The following DYNC2H1 variants were observed in gnomAD, a reference collection of about 807,000 sequenced individuals.
DYNC2H1 encodes cytoplasmic dynein 2 heavy chain 1.
DYNC2H1 carries 410 observed loss-of-function variants against 570.0 expected under a neutral mutation model. That is an observed-to-expected ratio of 0.72 (90% CI 0.66 to 0.78). The LOEUF is 0.78. Ranked by LOEUF, DYNC2H1 falls within the 30% of genes least tolerant of loss-of-function variation. DYNC2H1 has a pLI of 0.00. For synonymous variants in DYNC2H1, 1,688 were observed against 1,677.6 expected, an observed-to-expected ratio of 1.01 and a Z score of -0.15; for missense variants, 4,865 against 5,046.4, an observed-to-expected ratio of 0.96 and a Z score of 1.09.
chr11:103,156,911 T>C, intron 26 of DYNC2H1, 141 bp downstream of exon 26: 10 of 1,071,356 alleles, frequency 9.3e-6, no homozygotes, highest in Non-Finnish European at 1.3e-5. Flanking sequence ...GTGGATCCTT[T>C]TGAGAAGCTA....
intron 82 of DYNC2H1, among the ~76,000 whole-genome samples, chr11:103,349,761 A>G (rs1382257844): frequency 6.6e-6 from 1 of 152,098 alleles, no homozygotes. Flanking sequence ...TTTTAATGTC[A>G]TATTACCTTG....
chr11:103,446,893 G>A lies in DYNC2H1; in HGVS notation c.12457-8293G>A, dbSNP rs921850530. Among the ~76,000 whole-genome samples the A allele has an allele frequency of 1.3e-5, 2 of 152,018 alleles. No individual in the cohort carries two copies. The highest frequency in any genetic ancestry group is 6.6e-5 in the Admixed American group (1 of 15,266). ...ATAAATTATTATTAATAATTAAGAG[G>A]AGACCTATAAGTAGGTGGACATTAT... On this transcript the variant is annotated intron_variant, in intron 85 of 88. Transcript: ENST00000375735. The surrounding 1 kb of genome is among the most constrained non-coding windows in gnomAD (Gnocchi z 4.5).
At position 103,181,760 on chromosome 11, in the gene DYNC2H1, T is replaced by C. The variant is rs1379890053; in HGVS notation, c.6351T>C (p.Asp2117=). ...ISRMGMIFLS[D]EETDLNSLIK... is the part of the protein sequence containing the mutation. Reference sequence around the variant, plus strand: ...TTATTTGTCTAAACTGTTTCAGTGATGAAGAGACAGATCTTAATTCTCTGA... The same window carrying C: ...TTATTTGTCTAAACTGTTTCAGTGACGAAGAGACAGATCTTAATTCTCTGA... The change falls in exon 40 of 89, where the codon GAT becomes GAC. Residue 2117 remains aspartate (D), a synonymous_variant. Coordinates refer to ENST00000375735, the MANE Select transcript of DYNC2H1 (RefSeq NM_001377.3). This position sits in a 1 kb window ranked among gnomAD's most constrained non-coding sequence, Gnocchi z 5.0. 1.9e-6 allele frequency: 3 copies of C among 1,557,498 alleles called. No homozygotes were observed. The highest frequency in any genetic ancestry group is 2.6e-6 in the Non-Finnish European group (3 of 1,149,278).
intron 87 of DYNC2H1, among the ~76,000 whole-genome samples, chr11:103,457,438 G>C (rs775802993): frequency 2.0e-5 from 3 of 152,064 alleles, no homozygotes; most frequent in Non-Finnish European, 4.4e-5. Context: ...AAGATGTGAA[G>C]GTGGAAGACT....
intron 47 of DYNC2H1, among the ~76,000 whole-genome samples, chr11:103,194,372 A>G (rs1862434921): frequency 6.6e-6 from 1 of 152,158 alleles, no homozygotes; most frequent in South Asian, 2.1e-4. Context: ...TGAAGCTGCT[A>G]TGAATACTCT....
intron 85 of DYNC2H1, 75 bp downstream of exon 85, chr11:103,436,107 A>G: frequency 8.0e-7 from 1 of 1,254,444 alleles, no homozygotes; most frequent in Non-Finnish European, 1.1e-6. Context: ...CATTGTGCTA[A>G]TCACTAGTGA....
chr11:103,163,033 G>T lies in DYNC2H1; in HGVS notation c.4497G>T (p.Trp1499Cys), dbSNP rs886047563. 6.2e-7 allele frequency: 1 copy of T among 1,609,708 alleles called. No individual in the cohort carries two copies. Among genetic ancestry groups the T allele is most frequent in the Non-Finnish European group, 8.5e-7 (1 of 1,177,524 alleles). The change falls in exon 30 of 89, where the codon TGG becomes TGT. Residue 1499 changes from tryptophan to cysteine, a missense_variant. Trp to Cys is a radical substitution (Grantham distance 215). Transcript: ENST00000375735. This position sits in a 1 kb window ranked among gnomAD's most constrained non-coding sequence, Gnocchi z 4.6. ...TTTTCCAATTTCTTTTTCAGACATGGTTGAATGATTTGGCCTTAGAAATGA... is the reference window on the plus strand; with the variant it reads ...TTTTCCAATTTCTTTTTCAGACATGTTTGAATGATTTGGCCTTAGAAATGA... The part of the protein sequence containing the change: ...KVPLSNNVET[W>C]LNDLALEMKK...
intron 84 of DYNC2H1, among the ~76,000 whole-genome samples, chr11:103,412,885 C>G (rs1943140353): frequency 6.6e-6 from 1 of 152,128 alleles, no homozygotes; most frequent in South Asian, 2.1e-4. Context: ...ATTCCTTTCA[C>G]TTTCACTCCT....
intron 29 of DYNC2H1, among the ~76,000 whole-genome samples, chr11:103,162,393 G>A (rs1301268002): frequency 6.6e-6 from 1 of 152,238 alleles, no homozygotes; most frequent in East Asian, 1.9e-4. Flanking sequence ...AGGTTAAGAA[G>A]TGATTCATAA....
chr11:103,229,001 C>T (rs1050232239), intron 59 of DYNC2H1, among the ~76,000 whole-genome samples: 5 of 152,072 alleles, frequency 3.3e-5, no homozygotes, highest in African/African-American at 1.2e-4. Flanking sequence ...ATGCAGGTCA[C>T]CCAGGGTAGT....
chr11:103,182,400 C>CAATAATGA (rs1861891385), intron 40 of DYNC2H1, among the ~76,000 whole-genome samples: 1 of 151,296 alleles, frequency 6.6e-6, no homozygotes, highest in South Asian at 2.1e-4. Flanking sequence ...GAGTTATTTG[C>CAATAATGA]AATAATGAAA....
intron 59 of DYNC2H1, among the ~76,000 whole-genome samples, chr11:103,223,533 A>G (rs997909870): frequency 4.2e-4 from 64 of 150,740 alleles, no homozygotes; most frequent in African/African-American, 1.4e-3. Flanking sequence ...GATTACAGGC[A>G]TGTGCCACCA....
chr11:103,220,883 A>G (rs1863560655), intron 57 of DYNC2H1, 100 bp downstream of exon 57: 1 of 1,129,126 alleles, frequency 8.9e-7, no homozygotes, highest in Admixed American at 2.5e-5. Context: ...AATGCACTTC[A>G]TCTAAATACA....
chr11:103,477,548 T>C (rs1162100224), intron 88 of DYNC2H1, among the ~76,000 whole-genome samples: 1 of 152,096 alleles, frequency 6.6e-6, no homozygotes, highest in African/African-American at 2.4e-5. Context: ...AAATTATCAA[T>C]TGGCCGGATG....
rs1348149200 is a variant in DYNC2H1 at position 103,255,949 on chromosome 11, A to G, written c.10327-157A>G. Among the ~76,000 whole-genome samples the G allele has an allele frequency of 2.0e-5, 3 of 152,168 alleles. No homozygotes were observed. In the South Asian group the frequency reaches 6.2e-4, roughly 31 times the overall value. ...TTGATATAAGAAGACTATAATAAAAACAGAATAAAACTTTAAGAGGGCTAT... is the reference window on the plus strand; with the variant it reads ...TTGATATAAGAAGACTATAATAAAAGCAGAATAAAACTTTAAGAGGGCTAT... On this transcript the variant is annotated intron_variant, in intron 67 of 88. Transcript: ENST00000375735.
At chr11:103,251,861 C>T (rs1394485895) in intron 65 of DYNC2H1, among the ~76,000 whole-genome samples, 4 of 152,078 alleles carry the variant, frequency 2.6e-5, no homozygotes, top group Middle Eastern at 3.4e-3. Flanking sequence ...TTTTTATGAC[C>T]GAACATTATT....
chr11:103,154,868 T>C, intron 24 of DYNC2H1, 59 bp downstream of exon 24: 1 of 1,240,592 alleles, frequency 8.1e-7, no homozygotes. Context: ...TCATCTTATG[T>C]AGTGACTGAA....
chr11:103,476,504 G>GTTATATGTTAAATGTTAT (rs1167543489), intron 88 of DYNC2H1, among the ~76,000 whole-genome samples: 1 of 152,146 alleles, frequency 6.6e-6, no homozygotes, highest in Non-Finnish European at 1.5e-5. Flanking sequence ...CATATAAAGT[G>GTTATATGTTAAATGTTAT]CTGTTAAATG....
intron 83 of DYNC2H1, among the ~76,000 whole-genome samples, chr11:103,390,903 G>A (rs1176787799): frequency 3.9e-5 from 6 of 152,158 alleles, no homozygotes; most frequent in African/African-American, 7.2e-5. Context: ...TGGGTAACCC[G>A]ACCTTTCTCT....
Sources: gnomAD v4.1 joint callset for allele counts (sites outside exome capture counted in the v4.1 genomes callset) on GRCh38, gnomAD v4.1.1 for gene constraint, Gnocchi (gnomAD v3.1) non-coding constraint, MANE v1.5 for transcripts, NCBI Gene and HGNC (gene_info 2026-07-23, HGNC 2026-07-21) for gene names.